The following EFR3B variants were observed in gnomAD, a reference collection of about 807,000 sequenced individuals.
EFR3B encodes the protein protein EFR3 homolog B.
A neutral mutation model predicts 104.7 loss-of-function variants in EFR3B; 64 were observed. The observed-to-expected ratio is 0.61, with a 90% CI of 0.50 to 0.75. The LOEUF (loss-of-function observed/expected upper bound fraction) is 0.75. Among genes scored for constraint, EFR3B ranks in the 30% least tolerant of loss-of-function variants. The pLI, the probability that EFR3B is intolerant of heterozygous loss-of-function variation, is 0.00. For missense variants in EFR3B, 750 were observed against 1,078.5 expected (o/e 0.70, Z 4.27); for synonymous variants, 385 against 417.9 (o/e 0.92, Z 0.96).
At chr2:25,084,379 G>A (rs1402397673) in intron 1 of EFR3B, among the ~76,000 whole-genome samples, 1 of 152,056 alleles carries the variant, frequency 6.6e-6, no homozygotes, top group Admixed American at 6.5e-5. Flanking sequence ...TGGGATTACA[G>A]GTGCGCGCTG....
intron 1 of EFR3B, chr2:25,080,160 A>G (rs763472784): frequency 3.5e-5 from 49 of 1,393,358 alleles, no homozygotes; most frequent in Admixed American, 6.9e-5. Context: ...TTCTTCAAAA[A>G]ATGTTGATCA....
At chr2:25,047,340 A>T (rs1182036245) in intron 1 of EFR3B, among the ~76,000 whole-genome samples, 2 of 152,078 alleles carry the variant, frequency 1.3e-5, no homozygotes, top group African/African-American at 4.8e-5. Context: ...ACCCTCGGGT[A>T]ATCTTGAACC....
chr2:25,145,383 C>T, intron 19 of EFR3B: 1 of 435,864 alleles, frequency 2.3e-6, no homozygotes, highest in Admixed American at 3.7e-5. Flanking sequence ...TGATCTGGGG[C>T]AATATAAGGA....
Position 25,136,458 on chromosome 2 carries a change from G to A in EFR3B, c.1485-65G>A. ...AACAATGTTGGGGATAAAGCTCAGT[G>A]ACCCCGTGTGAGCTCAGGCTGGCCT... On this transcript the variant is annotated intron_variant, in intron 13 of 22. Transcript: ENST00000403714. The surrounding 1 kb of genome is among the most constrained non-coding windows in gnomAD (Gnocchi z 4.0). The A allele has an allele frequency of 7.5e-7, 1 of 1,324,988 alleles. No homozygotes were observed. The highest frequency in any genetic ancestry group is 1.1e-6 in the Non-Finnish European group (1 of 945,706). 82.1% of individuals were successfully genotyped at this position (1,324,988 alleles called of 1,614,324 possible).
rs1371050864 is a variant in EFR3B at position 25,158,977 on chromosome 2, T to G, written c.*4637T>G. On this transcript the variant is annotated 3_prime_UTR_variant, in exon 23 of 23. Transcript: ENST00000403714. ...GCGGTTTTCTGTATTTTAAACCCAT[T>G]GAATTGGTTAGTTTTATTTTAGGGA... 1 of 152,236 alleles carries G rather than the reference T, an allele frequency of 6.6e-6. No individual in the cohort carries two copies. The highest frequency in any genetic ancestry group is 1.5e-5 in the Non-Finnish European group (1 of 68,040). 9.4% of individuals were successfully genotyped at this position (152,236 alleles called of 1,614,324 possible).
At chr2:25,118,986 C>G (rs192121847) in intron 4 of EFR3B, among the ~76,000 whole-genome samples, 2 of 152,024 alleles carry the variant, frequency 1.3e-5, no homozygotes, top group East Asian at 3.9e-4. Flanking sequence ...GCCATTCATT[C>G]TCCTAATGTA....
chr2:25,127,028 C>T (rs1213722510), intron 5 of EFR3B, among the ~76,000 whole-genome samples: 3 of 151,336 alleles, frequency 2.0e-5, no homozygotes, highest in African/African-American at 7.3e-5. Context: ...CCTGTCTCTA[C>T]TAAAAATACA....
chr2:25,154,636 G>A lies in EFR3B; in HGVS notation c.*296G>A. Reference sequence around the variant, plus strand: ...GGGTGTCTCTCAGGAGAAGCCGGGGGGAGGGGGCTGAGAAGCTCCTACTTG... The same window carrying A: ...GGGTGTCTCTCAGGAGAAGCCGGGGAGAGGGGGCTGAGAAGCTCCTACTTG... On this transcript the variant is annotated 3_prime_UTR_variant, in exon 23 of 23. Coordinates refer to ENST00000403714, the MANE Select transcript of EFR3B (RefSeq NM_014971.2). The surrounding 1 kb of genome is among the most constrained non-coding windows in gnomAD (Gnocchi z 4.1). 2 of 343,182 alleles carry A rather than the reference G, an allele frequency of 5.8e-6. No individual in the cohort carries two copies. The highest frequency in any genetic ancestry group is 1.1e-5 in the Non-Finnish European group (2 of 190,362). The allele number at this position is 343,182 out of a possible 1,614,324, so 21.3% of individuals were successfully genotyped here. A position where few individuals can be genotyped will look rare whatever the true frequency, so the allele number is the denominator to read the frequency against.
chr2:25,081,372 C>A, intron 1 of EFR3B: 1 of 1,004,298 alleles, frequency 1.0e-6, no homozygotes, highest in South Asian at 1.4e-5. Context: ...GCCAGCAGTA[C>A]TCATAGTTAC....
chr2:25,052,419 G>A (rs908911877), intron 1 of EFR3B, among the ~76,000 whole-genome samples: 22 of 151,798 alleles, frequency 1.4e-4, no homozygotes, highest in African/African-American at 5.1e-4. Flanking sequence ...TCAGCCTCAG[G>A]TGGGTTCTGA....
intron 1 of EFR3B, chr2:25,079,815 C>T: frequency 1.4e-6 from 1 of 729,958 alleles, no homozygotes; most frequent in Non-Finnish European, 2.4e-6. Flanking sequence ...AACCTCCACA[C>T]ACCAAAAAGA....
In EFR3B at chr2:25,073,856, T is replaced by A. The variant is rs150940214; in HGVS notation, c.8-17469T>A. 1.5e-3 allele frequency among the ~76,000 whole-genome samples: 228 copies of A among 152,290 alleles called. 3 individuals carry two copies. The Middle Eastern group carries it at 0.054, about 36-fold the overall frequency. On this transcript the variant is annotated intron_variant, in intron 1 of 22. Coordinates refer to ENST00000403714, the MANE Select transcript of EFR3B (RefSeq NM_014971.2). ...GGCTCTGCCTCAATTCTTCCTCCCC[T>A]GTGAAGCCCTCCTTGACCAACCAGC...
At chr2:25,115,583 GTTACC>G in intron 4 of EFR3B, among the ~76,000 whole-genome samples, 1 of 152,302 alleles carries the variant, frequency 6.6e-6, no homozygotes, top group Admixed American at 6.5e-5. Flanking sequence ...ACCTCTGCAC[GTTACC>G]TTATATGGAA....
chr2:25,133,608 G>T (rs1670442605), intron 12 of EFR3B, among the ~76,000 whole-genome samples, 174 bp downstream of exon 12: 1 of 152,192 alleles, frequency 6.6e-6, no homozygotes, highest in Admixed American at 6.5e-5. Context: ...GCCAGGCTGG[G>T]CACCCACAGA....
chr2:25,137,370 C>T lies in EFR3B; in HGVS notation c.1590C>T (p.Tyr530=). 6.4e-7 allele frequency: 1 copy of T among 1,552,170 alleles called. No individual in the cohort carries two copies. Among genetic ancestry groups the T allele is most frequent in the Non-Finnish European group, 8.7e-7 (1 of 1,147,126 alleles). ...KHSQQLYRHI[Y]LSCKEETNVQ... is the part of the protein sequence containing the mutation. ...CCCAGCAGCTCTACAGACACATCTA[C>T]CTGAGCTGCAAGGAGGAAACAAACG... The change falls in exon 15 of 23, where the codon TAC becomes TAT. Residue 530 remains tyrosine, a synonymous_variant. Transcript: ENST00000403714. This position sits in a 1 kb window ranked among gnomAD's most constrained non-coding sequence, Gnocchi z 4.7.
At chr2:25,111,649 T>A (rs779909111) in intron 4 of EFR3B, among the ~76,000 whole-genome samples, 3 of 152,198 alleles carry the variant, frequency 2.0e-5, no homozygotes, top group Non-Finnish European at 4.4e-5. Flanking sequence ...TCCTGGATAA[T>A]CCAGGTGGGC....
At chr2:25,080,719 T>C in intron 1 of EFR3B, 2 of 1,029,752 alleles carry the variant, frequency 1.9e-6, no homozygotes, top group Non-Finnish European at 2.9e-6. Context: ...ATTTTCATCT[T>C]CTTGGGTTCA....
chr2:25,116,936 G>A (rs748605436), intron 4 of EFR3B, among the ~76,000 whole-genome samples: 1 of 152,154 alleles, frequency 6.6e-6, no homozygotes, highest in Non-Finnish European at 1.5e-5. Flanking sequence ...TGACCTTACA[G>A]CCAGGGATAA....
chr2:25,101,493 C>A (rs1292412416), intron 3 of EFR3B, among the ~76,000 whole-genome samples: 1 of 152,124 alleles, frequency 6.6e-6, no homozygotes, highest in Non-Finnish European at 1.5e-5. Flanking sequence ...GGATTACAGG[C>A]ATACACCACC....
Sources: gnomAD v4.1 joint callset for allele counts (sites outside exome capture counted in the v4.1 genomes callset) on GRCh38, gnomAD v4.1.1 for gene constraint, Gnocchi (gnomAD v3.1) non-coding constraint, MANE v1.5 for transcripts, NCBI Gene and HGNC (gene_info 2026-07-23, HGNC 2026-07-21) for gene names.